Variants in ELP2 observed in about 807,000 individuals in gnomAD.
The protein encoded by ELP2 is elongator acetyltransferase complex subunit 2.
A neutral mutation model predicts 119.2 loss-of-function variants in ELP2; 90 were observed. The observed-to-expected ratio is 0.75, with a 90% confidence interval of 0.64 to 0.90. The LOEUF is 0.90. Among genes scored for constraint, ELP2 ranks in the 40% least tolerant of loss-of-function variants. The pLI is 0.00. For synonymous variants in ELP2, 339 were observed against 331.0 expected, an observed-to-expected ratio of 1.02 and a Z score of -0.26; for missense variants, 921 against 967.8, an observed-to-expected ratio of 0.95 and a Z score of 0.64.
chr18:36,144,500 G>A (rs1401007758), intron 8 of ELP2, among the ~76,000 whole-genome samples: 1 of 152,116 alleles, frequency 6.6e-6, no homozygotes, highest in Non-Finnish European at 1.5e-5. Context: ...TCCCTTGACA[G>A]GTGGGACTTA....
At chr18:36,144,115 T>G (rs2090126073) in intron 8 of ELP2, among the ~76,000 whole-genome samples, 1 of 152,234 alleles carries the variant, frequency 6.6e-6, no homozygotes, top group Non-Finnish European at 1.5e-5. Flanking sequence ...TTTGTTACTA[T>G]TCTTGGTGGT....
At chr18:36,163,277 T>TGTGTGTGTGC (rs1279157661) in intron 17 of ELP2, among the ~76,000 whole-genome samples, 1 of 151,352 alleles carries the variant, frequency 6.6e-6, no homozygotes, top group African/African-American at 2.4e-5. Context: ...TCATGGGGGG[T>TGTGTGTGTGC]GTGTGTGTGT....
intron 21 of ELP2, among the ~76,000 whole-genome samples, chr18:36,171,564 A>G (rs1301565014): frequency 1.3e-5 from 2 of 152,214 alleles, no homozygotes; most frequent in Non-Finnish European, 1.5e-5. Flanking sequence ...AAGATCCTAT[A>G]GTGGAGCTTT....
chr18:36,142,575 CCTT>C (rs2090067342), intron 7 of ELP2, among the ~76,000 whole-genome samples: 1 of 152,034 alleles, frequency 6.6e-6, no homozygotes, highest in Admixed American at 6.6e-5. Context: ...CACATGCAGA[CCTT>C]CTTGAAAAGT....
intron 11 of ELP2, among the ~76,000 whole-genome samples, chr18:36,150,683 C>T (rs1315062891): frequency 1.3e-5 from 2 of 152,188 alleles, no homozygotes; most frequent in Admixed American, 6.5e-5. Context: ...TTGTGTGGTT[C>T]AGGCAATTCT....
At chr18:36,141,410 TA>T in intron 6 of ELP2, 1 of 574,334 alleles carries the variant, frequency 1.7e-6, no homozygotes, top group Non-Finnish European at 3.2e-6. Context: ...TCAGAGTTGT[TA>T]GGGGGAAACA....
At chr18:36,159,648 G>A in intron 14 of ELP2, 87 bp from the exon 15 acceptor site, 1 of 979,206 alleles carries the variant, frequency 1.0e-6, no homozygotes, top group Non-Finnish European at 1.6e-6. Context: ...AATTACCACT[G>A]CTTTCTATGT....
intron 17 of ELP2, among the ~76,000 whole-genome samples, chr18:36,163,275 G>GTGTGTGTGTGTGTGTGTGTGT (rs1555644860): frequency 3.6e-4 from 53 of 145,484 alleles, no homozygotes; most frequent in Non-Finnish European, 7.1e-4. Flanking sequence ...GTTCATGGGG[G>GTGTGTGTGTGTGTGTGTGTGT]GTGTGTGTGT....
At position 36,133,277 on chromosome 18, in the gene ELP2, C is replaced by A; in HGVS notation, c.178C>A (p.Arg60=). The A allele has an allele frequency of 6.2e-7, 1 of 1,613,856 alleles. No homozygotes were observed. Among genetic ancestry groups the A allele is most frequent in the South Asian group, 1.1e-5 (1 of 91,066 alleles). Residue 60 remains arginine, a synonymous_variant, in exon 2 of 22, where the codon CGA becomes AGA. Coordinates refer to ENST00000358232, the MANE Select transcript of ELP2 (RefSeq NM_018255.4). The stretch of plus-strand genomic sequence containing the variant: ...TACCAACTTGAATGGTCACACCGCC[C>A]GAGTCAATTGCATACAGTGGATTTG... ...VVTNLNGHTA[R]VNCIQWICKQ...
chr18:36,137,979 A>G (rs1331699675), intron 3 of ELP2: 1 of 366,470 alleles, frequency 2.7e-6, no homozygotes, highest in African/African-American at 2.1e-5. Flanking sequence ...GAATCTCTTC[A>G]TAATGAAAAT....
intron 16 of ELP2, among the ~76,000 whole-genome samples, 182 bp downstream of exon 16, chr18:36,160,197 A>G (rs550317736): frequency 6.6e-6 from 1 of 152,094 alleles, no homozygotes; most frequent in East Asian, 1.9e-4. Context: ...TTATTTTTAT[A>G]TTACTGTTTA....
In ELP2 at chr18:36,164,578, T is replaced by C; in HGVS notation, c.1865T>C (p.Phe622Ser). Residue 622 changes from phenylalanine to serine, a missense_variant, in exon 18 of 22, where the codon TTC becomes TCC. By Grantham distance (155) the Phe-to-Ser change is radical (BLOSUM62 -2). Transcript: ENST00000358232. Reference protein sequence around the residue: ...FHSLTVTQMAFSPNEKFLLAV... With the variant: ...FHSLTVTQMASSPNEKFLLAV... Reference sequence around the variant, plus strand: ...AGTTTGACAGTCACGCAGATGGCCTTCTCACCTAATGAGAAGTTCTTACTA... The same window carrying C: ...AGTTTGACAGTCACGCAGATGGCCTCCTCACCTAATGAGAAGTTCTTACTA... The C allele has an allele frequency of 6.2e-7, 1 of 1,614,114 alleles. No homozygotes were observed. The highest frequency in any genetic ancestry group is 8.5e-7 in the Non-Finnish European group (1 of 1,179,990).
intron 9 of ELP2, chr18:36,145,389 C>T (rs1257875876): frequency 3.1e-6 from 1 of 322,018 alleles, no homozygotes; most frequent in Non-Finnish European, 6.0e-6. Flanking sequence ...GTTGGTACCA[C>T]TGAAATACAT....
intron 11 of ELP2, among the ~76,000 whole-genome samples, chr18:36,151,857 C>T (rs971565021): frequency 1.3e-5 from 2 of 150,516 alleles, no homozygotes; most frequent in African/African-American, 4.9e-5. Context: ...AATTGATTCT[C>T]CTGTCTCAGC....
At chr18:36,160,718 G>A (rs2090711541) in intron 16 of ELP2, among the ~76,000 whole-genome samples, 1 of 152,044 alleles carries the variant, frequency 6.6e-6, no homozygotes, top group South Asian at 2.1e-4. Flanking sequence ...TATGTTAATT[G>A]TTTGAATGAG....
chr18:36,160,063 C>T (rs756221866), intron 16 of ELP2, 48 bp downstream of exon 16: 1 of 1,576,340 alleles, frequency 6.3e-7, no homozygotes, highest in South Asian at 1.1e-5. Flanking sequence ...GTCGTAACTT[C>T]TGACTTTTCC....
intron 12 of ELP2, among the ~76,000 whole-genome samples, chr18:36,155,538 A>G (rs2090546628): frequency 6.6e-6 from 1 of 152,164 alleles, no homozygotes; most frequent in African/African-American, 2.4e-5. Flanking sequence ...ATGCAGAATG[A>G]TACAGCCACT....
chr18:36,176,423 A>G lies in ELP2; in HGVS notation c.*1782A>G, dbSNP rs578127208. On this transcript the variant is annotated 3_prime_UTR_variant, in exon 22 of 22. Coordinates refer to ENST00000358232, the MANE Select transcript of ELP2 (RefSeq NM_018255.4). ...TTGACACATGGGCTTGTTCTGACCC[A>G]AGTGCATGCAGGCTTCCAGAGCAGA... is the stretch of plus-strand genomic sequence containing the variant. 1.3e-5 allele frequency: 2 copies of G among 152,358 alleles called. No homozygotes were observed. Among genetic ancestry groups the G allele is most frequent in the African/African-American group, 2.4e-5 (1 of 41,586 alleles). 9.4% of individuals were successfully genotyped at this position (152,358 alleles called of 1,614,324 possible).
intron 1 of ELP2, among the ~76,000 whole-genome samples, chr18:36,132,093 T>G (rs1331123968): frequency 6.6e-6 from 1 of 152,042 alleles, no homozygotes; most frequent in Admixed American, 6.5e-5. Flanking sequence ...GTGTTTTTAG[T>G]AGAGACAGGT....
Sources: gnomAD v4.1 joint callset for allele counts (sites outside exome capture counted in the v4.1 genomes callset) on GRCh38, gnomAD v4.1.1 for gene constraint, MANE v1.5 for transcripts, NCBI Gene and HGNC (gene_info 2026-07-23, HGNC 2026-07-21) for gene names.